The following VAMP7 variants were observed in gnomAD, a reference collection of about 807,000 sequenced individuals.
VAMP7 encodes the protein vesicle associated membrane protein 7.
In VAMP7, 14 loss-of-function variants were observed where a neutral mutation model predicts 29.6. That is an observed-to-expected ratio of 0.47 (90% CI 0.31 to 0.74). The LOEUF (loss-of-function observed/expected upper bound fraction) is 0.74. Among genes scored for constraint, VAMP7 ranks in the 30% least tolerant of loss-of-function variants. The pLI, the probability that VAMP7 is intolerant of heterozygous loss-of-function variation, is 0.05. For missense variants in VAMP7, 223 were observed against 262.4 expected, an observed-to-expected ratio of 0.85 and a Z score of 1.04; for synonymous variants, 95 against 88.1, an observed-to-expected ratio of 1.08 and a Z score of -0.44.
intron 5 of VAMP7, among the ~76,000 whole-genome samples, chrX:155,902,536 A>G (rs1207939988): frequency 4.6e-5 from 7 of 150,760 alleles, no homozygotes; most frequent in Admixed American, 4.6e-4. Flanking sequence ...ATTTTGAGAT[A>G]CATCCCATCA....
At chrX:155,890,135 G>A (rs1354014920) in intron 2 of VAMP7, among the ~76,000 whole-genome samples, 1 of 151,974 alleles carries the variant, frequency 6.6e-6, no homozygotes, top group Non-Finnish European at 1.5e-5. Flanking sequence ...AGGTAGAGAA[G>A]TATGGAGGCA....
intron 6 of VAMP7, among the ~76,000 whole-genome samples, chrX:155,928,557 ATG>A (rs2066503594): frequency 1.3e-5 from 2 of 152,026 alleles, no homozygotes. Context: ...TCTCCTTTGC[ATG>A]TGTGTCAAGC....
In VAMP7 at chrX:155,941,987, G is replaced by C; in HGVS notation, c.*36G>C. ...GTTACCATTAACCAAGGATATGAGA[G>C]AACAAGGAGTTAAAAGCAATCCATG... On this transcript the variant is annotated 3_prime_UTR_variant, in exon 8 of 8. Transcript: ENST00000286448. 2.5e-6 allele frequency: 4 copies of C among 1,613,676 alleles called. No individual in the cohort carries two copies. The highest frequency in any genetic ancestry group is 3.4e-6 in the Non-Finnish European group (4 of 1,179,802).
At chrX:155,939,947 C>T (rs895135029) in intron 7 of VAMP7, among the ~76,000 whole-genome samples, 154 bp downstream of exon 7, 2 of 151,940 alleles carry the variant, frequency 1.3e-5, no homozygotes, top group Admixed American at 6.6e-5. Flanking sequence ...CCTATGAAGT[C>T]ACTATGAAAT....
intron 5 of VAMP7, among the ~76,000 whole-genome samples, chrX:155,908,112 C>T (rs1309928832): frequency 1.3e-5 from 2 of 151,794 alleles, no homozygotes; most frequent in East Asian, 1.9e-4. Context: ...ACATCCCAGA[C>T]GATGGGTGCC....
intron 5 of VAMP7, among the ~76,000 whole-genome samples, chrX:155,904,678 C>A (rs192134354): frequency 2.0e-5 from 3 of 151,976 alleles, no homozygotes; most frequent in South Asian, 2.1e-4. Flanking sequence ...TAAATGGAAT[C>A]TTGTAATATG....
At chrX:155,910,273 A>G (rs1178530943) in intron 5 of VAMP7, among the ~76,000 whole-genome samples, 3 of 152,202 alleles carry the variant, frequency 2.0e-5, no homozygotes, top group African/African-American at 7.2e-5. Flanking sequence ...ATGTTGCTGT[A>G]AATGGCATGA....
chrX:155,925,500 C>T (rs1468714409), intron 6 of VAMP7, among the ~76,000 whole-genome samples: 4 of 152,184 alleles, frequency 2.6e-5, no homozygotes, highest in African/African-American at 4.8e-5. Context: ...CGTGACACAG[C>T]CTCAGGAGGT....
intron 5 of VAMP7, among the ~76,000 whole-genome samples, chrX:155,902,769 G>A (rs1304321277): frequency 1.3e-5 from 2 of 149,846 alleles, no homozygotes; most frequent in Non-Finnish European, 3.0e-5. Flanking sequence ...GATTCGGTTT[G>A]CCAGTATTTT....
At chrX:155,885,090 C>T (rs2065849805) in intron 1 of VAMP7, among the ~76,000 whole-genome samples, 1 of 152,102 alleles carries the variant, frequency 6.6e-6, no homozygotes, top group South Asian at 2.1e-4. Flanking sequence ...AAGACCTTCC[C>T]CACAATTTAC....
intron 5 of VAMP7, among the ~76,000 whole-genome samples, chrX:155,908,975 A>G (rs761861692): frequency 2.6e-5 from 4 of 151,924 alleles, no homozygotes; most frequent in African/African-American, 9.6e-5. Flanking sequence ...ATGTGCCACC[A>G]CACCTGGCTA....
At chrX:155,909,471 A>G (rs1416093662) in intron 5 of VAMP7, among the ~76,000 whole-genome samples, 6 of 151,914 alleles carry the variant, frequency 3.9e-5, no homozygotes, top group Admixed American at 3.3e-4. Context: ...TCTGTTCTCT[A>G]TTTAATTTGT....
At chrX:155,931,391 A>T (rs1175238706) in intron 6 of VAMP7, among the ~76,000 whole-genome samples, 1 of 152,066 alleles carries the variant, frequency 6.6e-6, no homozygotes, top group Non-Finnish European at 1.5e-5. Flanking sequence ...TGACTTTTTA[A>T]TGATCGCCAT....
In VAMP7 at chrX:155,886,195, AG is replaced by A. The variant is rs761954050; in HGVS notation, c.-9-3262del. On this transcript the variant is annotated intron_variant, in intron 1 of 7. Transcript: ENST00000286448. Reference sequence around the variant, plus strand: ...CATTTACATACTGCTAATAATTAGCAGAGCCAGGTTTTCTAACTTCAAGTGC... The same window carrying A: ...CATTTACATACTGCTAATAATTAGCAAGCCAGGTTTTCTAACTTCAAGTGC... Among the ~76,000 whole-genome samples, 9 of 152,282 alleles carry A rather than the reference AG, an allele frequency of 5.9e-5. No individual in the cohort carries two copies. In the East Asian group the frequency reaches 1.7e-3, roughly 29 times the overall value.
chrX:155,891,104 A>G (rs1007870555), intron 2 of VAMP7, among the ~76,000 whole-genome samples: 56 of 152,282 alleles, frequency 3.7e-4, no homozygotes, highest in Non-Finnish European at 7.3e-4. Context: ...GTGGCCTGAT[A>G]TTGTTGAGAA....
At chrX:155,933,003 A>G (rs1435950173) in intron 6 of VAMP7, among the ~76,000 whole-genome samples, 21 of 152,232 alleles carry the variant, frequency 1.4e-4, no homozygotes, top group Admixed American at 1.1e-3. Flanking sequence ...GCTGGATTAC[A>G]TTTATTGATT....
At chrX:155,939,551 A>G (rs746869838) in intron 6 of VAMP7, 150 bp from the exon 7 acceptor site, 9 of 682,370 alleles carry the variant, frequency 1.3e-5, no homozygotes, top group African/African-American at 1.3e-4. Context: ...GCTTTTGGCA[A>G]CTATTGAGTA....
intron 5 of VAMP7, among the ~76,000 whole-genome samples, chrX:155,912,822 C>T (rs1411376466): frequency 3.3e-5 from 5 of 152,102 alleles, no homozygotes; most frequent in African/African-American, 4.8e-5. Context: ...AATAAACATA[C>T]GTGTGCATGT....
intron 6 of VAMP7, among the ~76,000 whole-genome samples, chrX:155,921,077 C>G (rs2066389176): frequency 6.6e-6 from 1 of 152,128 alleles, no homozygotes; most frequent in Non-Finnish European, 1.5e-5. Context: ...TACTTCCAGG[C>G]TGTCTCTTAG....
Sources: gnomAD v4.1 joint callset for allele counts (sites outside exome capture counted in the v4.1 genomes callset) on GRCh38, gnomAD v4.1.1 for gene constraint, MANE v1.5 for transcripts, NCBI Gene and HGNC (gene_info 2026-07-23, HGNC 2026-07-21) for gene names.